PNISR: variants seen among roughly 807,000 people sequenced by gnomAD.
PNISR encodes arginine/serine-rich protein PNISR.
Under a neutral mutation model 93.4 loss-of-function variants are expected in PNISR, and 20 were observed. The ratio of observed to expected loss-of-function variants is 0.21; its 90% confidence interval spans 0.15 to 0.31. PNISR has a LOEUF of 0.31. Ranked by LOEUF, PNISR falls within the 10% of genes least tolerant of loss-of-function variation. The pLI, the probability that PNISR is intolerant of heterozygous loss-of-function variation, is 1.00. For synonymous variants in PNISR, 305 were observed against 306.5 expected (o/e 0.99, Z 0.05); for missense variants, 893 against 985.4 (o/e 0.91, Z 1.25).
chr6:99,418,166 C>T (rs938366442), intron 1 of PNISR, among the ~76,000 whole-genome samples: 15 of 151,454 alleles, frequency 9.9e-5, no homozygotes, highest in Admixed American at 8.5e-4. Flanking sequence ...GAGAGGCAGT[C>T]TCGCTCTGTC....
Position 99,401,386 on chromosome 6 carries a change from A to G in PNISR, c.1572T>C (p.Thr524=). ...SSGSSSSNSR[T]SSTSSTVSSS... ...TAGAGACAGTACTACTAGTACTACT[A>G]GTTCTGCTATTGCTACTGGAACTAC... is the stretch of plus-strand genomic sequence containing the variant. The change falls in exon 12 of 12, where the codon ACT becomes ACC. Residue 524 remains threonine (T), a synonymous_variant. Transcript: ENST00000369239. 6.2e-7 allele frequency: 1 copy of G among 1,604,902 alleles called. No homozygotes were observed. Among genetic ancestry groups the G allele is most frequent in the Non-Finnish European group, 8.5e-7 (1 of 1,171,950 alleles).
chr6:99,408,323 C>T (rs760959242), intron 6 of PNISR, 52 bp from the exon 7 acceptor site: 7 of 1,272,816 alleles, frequency 5.5e-6, no homozygotes, highest in Non-Finnish European at 6.7e-6. Flanking sequence ...AATATTTCTA[C>T]AAACTTGTGA....
In PNISR at chr6:99,416,024, C is replaced by T. The variant is rs1177138259; in HGVS notation, c.-32+325G>A. ...TTGATTTACTTATGAGTCAAATGTA[C>T]CTGTCTTCAAGTTACACTAATGTAA... is the stretch of plus-strand genomic sequence containing the variant. On this transcript the variant is annotated intron_variant, in intron 2 of 11. Transcript: ENST00000369239. 9 of 169,968 alleles carry T rather than the reference C, an allele frequency of 5.3e-5. No homozygotes were observed. In the East Asian group the frequency reaches 1.4e-3, roughly 26 times the overall value. 10.5% of individuals were successfully genotyped at this position (169,968 alleles called of 1,614,324 possible).
chr6:99,413,527 T>C (rs1482619382), intron 3 of PNISR, among the ~76,000 whole-genome samples: 3 of 152,096 alleles, frequency 2.0e-5, no homozygotes, highest in Non-Finnish European at 2.9e-5. Context: ...GGTTTCATCA[T>C]GTTGCCCCGG....
At chr6:99,424,154 G>C (rs1299826181) in intron 1 of PNISR, among the ~76,000 whole-genome samples, 1 of 152,112 alleles carries the variant, frequency 6.6e-6, no homozygotes, top group East Asian at 1.9e-4. Flanking sequence ...TACAGCCTAA[G>C]AATATACAAC....
Position 99,401,015 on chromosome 6 carries a change from T to C in PNISR, c.1943A>G (p.Asn648Ser). 1.2e-6 allele frequency: 2 copies of C among 1,613,904 alleles called. No homozygotes were observed. Among genetic ancestry groups the C allele is most frequent in the Non-Finnish European group, 1.7e-6 (2 of 1,179,948 alleles). Reference sequence around the variant, plus strand: ...ATGCTTATGACTGTTCCCACTAAGATTTCCACGTTGATCATCAATTTTACG... The same window carrying C: ...ATGCTTATGACTGTTCCCACTAAGACTTCCACGTTGATCATCAATTTTACG... ...DRRKIDDQRG[N>S]LSGNSHKHKG... The change falls in exon 12 of 12, where the codon AAT becomes AGT. Residue 648 changes from asparagine to serine, a missense_variant. Transcript: ENST00000369239.
chr6:99,412,113 AAGGT>A (rs1353508070), intron 4 of PNISR: 39 of 308,750 alleles, frequency 1.3e-4, no homozygotes, highest in Middle Eastern at 6.4e-4. Context: ...AGGGAAGAAA[AAGGT>A]AGGCGGATGG....
chr6:99,402,881 A>T, intron 10 of PNISR, 171 bp from the exon 11 acceptor site: 1 of 451,870 alleles, frequency 2.2e-6, no homozygotes, highest in Non-Finnish European at 3.9e-6. Flanking sequence ...AGTTCACAGA[A>T]CCTTCAGGCA....
At chr6:99,407,338 CAAA>C (rs67886910) in intron 7 of PNISR, among the ~76,000 whole-genome samples, 1 of 122,096 alleles carries the variant, frequency 8.2e-6, no homozygotes, top group Non-Finnish European at 1.8e-5. Flanking sequence ...CCTAAAAAGA[CAAA>C]AAAAAAAAAA....
At chr6:99,424,995 C>A in intron 1 of PNISR, 1 of 372,644 alleles carries the variant, frequency 2.7e-6, no homozygotes, top group Non-Finnish European at 4.7e-6. Flanking sequence ...AAGATGGGAC[C>A]GTGAGCACTC....
Position 99,410,809 on chromosome 6 carries a change from T to A in PNISR, c.433A>T (p.Asn145Tyr). The change falls in exon 5 of 12, where the codon AAC becomes TAC. Residue 145 changes from asparagine (N) to tyrosine (Y), a missense_variant. Physicochemically the swap from Asn to Tyr is moderately radical, Grantham distance 143. Coordinates refer to ENST00000369239, the MANE Select transcript of PNISR (RefSeq NM_032870.4). The part of the protein sequence containing the change: ...APDNRHIFNQ[N>Y]NHNFGGPPDN... ...GGTGGTCCACCAAAGTTGTGATTGT[T>A]CTGGTTAAATATATGCCTGTTGTCA... 6.2e-7 allele frequency: 1 copy of A among 1,614,108 alleles called. No individual in the cohort carries two copies. The highest frequency in any genetic ancestry group is 1.1e-5 in the South Asian group (1 of 91,076).
intron 1 of PNISR, among the ~76,000 whole-genome samples, chr6:99,417,306 T>C (rs1777827550): frequency 6.6e-6 from 1 of 152,204 alleles, no homozygotes; most frequent in Non-Finnish European, 1.5e-5. Context: ...TAAATAAAGG[T>C]TATTTTTCTT....
At chr6:99,402,464 G>T in intron 11 of PNISR, 76 bp downstream of exon 11, 1 of 1,016,880 alleles carries the variant, frequency 9.8e-7, no homozygotes, top group South Asian at 2.0e-5. Context: ...TTTATCCTTT[G>T]ATATTTTTAG....
intron 4 of PNISR, 29 bp from the exon 5 acceptor site, chr6:99,410,993 C>T: frequency 2.7e-6 from 4 of 1,503,718 alleles, no homozygotes; most frequent in Non-Finnish European, 3.7e-6. Flanking sequence ...TAAAAACATT[C>T]AACAGGCGGT....
intron 10 of PNISR, 118 bp from the exon 11 acceptor site, chr6:99,402,828 G>T: frequency 2.8e-6 from 2 of 710,494 alleles, no homozygotes; most frequent in Non-Finnish European, 4.4e-6. Context: ...AGAAGAATAC[G>T]CTTATTCGGG....
chr6:99,423,085 C>T (rs1262151620), intron 1 of PNISR, among the ~76,000 whole-genome samples: 2 of 150,826 alleles, frequency 1.3e-5, no homozygotes, highest in Non-Finnish European at 2.9e-5. Context: ...TCTAGGACTG[C>T]GACAGGAAAT....
rs767795253 is a variant in PNISR at position 99,408,212 on chromosome 6, G to A, written c.733C>T (p.Arg245Cys). The change falls in exon 7 of 12, where the codon CGT (arginine) becomes TGT (cysteine). Residue 245 changes from arginine (R) to cysteine (C), a missense_variant. Physicochemically the swap from Arg to Cys is radical, Grantham distance 180 (BLOSUM62 -3). Transcript: ENST00000369239. ...WIREGLEKME[R>C]EKQKKLEKER... ...TTCTCCAATTTCTTCTGCTTTTCAC[G>A]TTCCATTTTTTCAAGACCTTCGCGA... The A allele has an allele frequency of 1.9e-6, 3 of 1,612,556 alleles. No individual in the cohort carries two copies. Among genetic ancestry groups the A allele is most frequent in the Admixed American group, 1.7e-5 (1 of 59,926 alleles).
Position 99,400,498 on chromosome 6 carries a change from CA to C in PNISR, c.*41del. 2 of 1,570,488 alleles carry C rather than the reference CA, an allele frequency of 1.3e-6. No individual in the cohort carries two copies. Among genetic ancestry groups the C allele is most frequent in the Non-Finnish European group, 1.7e-6 (2 of 1,162,148 alleles). On this transcript the variant is annotated 3_prime_UTR_variant, in exon 12 of 12. Coordinates refer to ENST00000369239, the MANE Select transcript of PNISR (RefSeq NM_032870.4). ...ACTTTCAACTTTGAATAAATTCAGT[CA>C]ATTTTTTTTAAAAATCAGACAAAAT...
chr6:99,417,391 A>G (rs981583286), intron 1 of PNISR, among the ~76,000 whole-genome samples: 3 of 152,184 alleles, frequency 2.0e-5, no homozygotes, highest in Non-Finnish European at 2.9e-5. Context: ...CTTGTCACCT[A>G]GACTTCAGAG....
Sources: allele counts gnomAD v4.1 joint callset (sites outside exome capture counted in the v4.1 genomes callset), GRCh38; gene constraint gnomAD v4.1.1; transcripts MANE v1.5; gene names NCBI Gene and HGNC (gene_info 2026-07-23, HGNC 2026-07-21).